Variants in APOLD1 observed in about 807,000 individuals in gnomAD.
APOLD1 encodes apolipoprotein L domain containing 1.
Under a neutral mutation model 15.3 loss-of-function variants are expected in APOLD1, and 22 were observed. The ratio of observed to expected loss-of-function variants is 1.44; its 90% CI spans 1.03 to 2.05. The LOEUF is 2.05. Among genes scored for constraint, APOLD1 ranks in the 30% most tolerant of loss-of-function variants. APOLD1 has a pLI of 0.00. For missense variants in APOLD1, 394 were observed against 353.5 expected, an observed-to-expected ratio of 1.11 and a Z score of -0.92; for synonymous variants, 190 against 167.4, an observed-to-expected ratio of 1.13 and a Z score of -1.04.
At chr12:12,729,402 A>G (rs752143890) in intron 1 of APOLD1, among the ~76,000 whole-genome samples, 3 of 152,138 alleles carry the variant, frequency 2.0e-5, no homozygotes, top group African/African-American at 4.8e-5. Flanking sequence ...TACGACAATA[A>G]ACATAGAATT....
chr12:12,754,218 A>T (rs1946838033), intron 1 of APOLD1, among the ~76,000 whole-genome samples: 1 of 150,126 alleles, frequency 6.7e-6, no homozygotes, highest in South Asian at 2.1e-4. Flanking sequence ...AAAAAGGAAA[A>T]AGAAAAAAAG....
At chr12:12,785,630 A>G (rs1007405297), upstream of APOLD1, 32 of 1,614,070 alleles carry the variant, frequency 2.0e-5, no homozygotes, top group Admixed American at 4.7e-4. Flanking sequence ...CTCTGGAACT[A>G]TAAAGCACAC....
intron 1 of APOLD1, among the ~76,000 whole-genome samples, chr12:12,728,106 C>G (rs1408160245): frequency 6.6e-6 from 1 of 152,054 alleles, no homozygotes; most frequent in Non-Finnish European, 1.5e-5. Context: ...AGCTGGACTA[C>G]AGATGTGTGC....
chr12:12,785,728 T>C (rs770354602), intron 1 of APOLD1, 34 bp downstream of exon 1: 3 of 1,598,038 alleles, frequency 1.9e-6, no homozygotes, highest in Non-Finnish European at 2.6e-6. Context: ...ATATTCGGGA[T>C]GACTTTTTCT....
At chr12:12,749,592 C>T (rs1009587222) in intron 1 of APOLD1, among the ~76,000 whole-genome samples, 2 of 152,184 alleles carry the variant, frequency 1.3e-5, no homozygotes, top group Admixed American at 6.5e-5. Flanking sequence ...GTTGTTTGCA[C>T]AGGAGTGTGA....
chr12:12,726,106 G>C (rs560421199), intron 1 of APOLD1: 1 of 1,491,968 alleles, frequency 6.7e-7, no homozygotes, highest in African/African-American at 1.4e-5. Context: ...GGTAGAACTG[G>C]GGAGTGCGGG....
chr12:12,771,290 A>G, intron 1 of APOLD1: 1 of 176,936 alleles, frequency 5.7e-6, no homozygotes, highest in South Asian at 1.2e-4. Flanking sequence ...TGTATGAAAA[A>G]GGTGCTGGGC....
At chr12:12,768,553 G>C (rs187036100) in intron 1 of APOLD1, among the ~76,000 whole-genome samples, 1 of 152,142 alleles carries the variant, frequency 6.6e-6, no homozygotes, top group Non-Finnish European at 1.5e-5. Context: ...TCAGGAGGTT[G>C]AGTTGGAAAG....
intron 1 of APOLD1, among the ~76,000 whole-genome samples, chr12:12,770,233 C>T (rs1240548612): frequency 1.3e-5 from 2 of 152,074 alleles, no homozygotes; most frequent in Admixed American, 6.6e-5. Flanking sequence ...GGTGAAACCT[C>T]GTCTGTACTA....
chr12:12,745,810 A>G (rs1946761162), intron 1 of APOLD1, among the ~76,000 whole-genome samples: 1 of 152,068 alleles, frequency 6.6e-6, no homozygotes, highest in Non-Finnish European at 1.5e-5. Context: ...AAGGCAAGGA[A>G]AATGCCAAGT....
intron 1 of APOLD1, among the ~76,000 whole-genome samples, chr12:12,736,370 C>CAA (rs202099965): frequency 1.2e-4 from 8 of 68,316 alleles, no homozygotes; most frequent in South Asian, 5.2e-4. Flanking sequence ...CAAAACAAAA[C>CAA]AAAAAAACTA....
At chr12:12,770,053 C>T (rs1946974242) in intron 1 of APOLD1, among the ~76,000 whole-genome samples, 1 of 152,164 alleles carries the variant, frequency 6.6e-6, no homozygotes, top group Non-Finnish European at 1.5e-5. Flanking sequence ...ATAAAGTAGA[C>T]AGCATGCAAG....
intron 1 of APOLD1, among the ~76,000 whole-genome samples, chr12:12,753,526 A>G (rs1946830023): frequency 6.6e-6 from 1 of 151,968 alleles, no homozygotes; most frequent in South Asian, 2.1e-4. Flanking sequence ...AAATTTAGCC[A>G]GGCATGGTGG....
At chr12:12,738,318 C>T (rs1482894664) in intron 1 of APOLD1, among the ~76,000 whole-genome samples, 1 of 151,436 alleles carries the variant, frequency 6.6e-6, no homozygotes, top group Non-Finnish European at 1.5e-5. Context: ...AGGCAGTCCT[C>T]CTGCCTCAGC....
upstream of APOLD1, among the ~76,000 whole-genome samples, chr12:12,781,977 G>A (rs1947084816): frequency 6.6e-6 from 1 of 151,754 alleles, no homozygotes; most frequent in African/African-American, 2.4e-5. Context: ...TACCAGTTCT[G>A]GCTGGCCATG....
At chr12:12,770,983 C>G (rs1375134212) in intron 1 of APOLD1, among the ~76,000 whole-genome samples, 1 of 152,088 alleles carries the variant, frequency 6.6e-6, no homozygotes, top group Admixed American at 6.6e-5. Flanking sequence ...AAAAATCCCA[C>G]CAACCTAGAA....
chr12:12,727,941 C>T (rs1019070753), intron 1 of APOLD1, among the ~76,000 whole-genome samples: 3 of 151,554 alleles, frequency 2.0e-5, no homozygotes, highest in Non-Finnish European at 2.9e-5. Flanking sequence ...CATCTAACAC[C>T]TACTGTTTAA....
At chr12:12,752,925 G>T (rs746298792) in intron 1 of APOLD1, among the ~76,000 whole-genome samples, 2 of 152,094 alleles carry the variant, frequency 1.3e-5, no homozygotes, top group Non-Finnish European at 2.9e-5. Context: ...GTGATGAGTG[G>T]TATCTATCTC....
In APOLD1 at chr12:12,757,318, G is replaced by GT. The variant is rs548128953; in HGVS notation, c.97-29590dup. Among the ~76,000 whole-genome samples the GT allele has an allele frequency of 9.2e-5, 14 of 152,154 alleles. No individual in the cohort carries two copies. In the East Asian group the frequency reaches 2.5e-3, roughly 27 times the overall value. On this transcript the variant is annotated intron_variant, in intron 1 of 1. Coordinates refer to the APOLD1 transcript ENST00000326765. ...GTTCACCACAGACCTGCCTCTGGGG[G>GT]TATCGGCCCACTGAACCACAACAGA...
Sources: gnomAD v4.1 joint callset for allele counts (sites outside exome capture counted in the v4.1 genomes callset) on GRCh38, gnomAD v4.1.1 for gene constraint, MANE v1.5 for transcripts, NCBI Gene and HGNC (gene_info 2026-07-23, HGNC 2026-07-21) for gene names.